ZNF804B: variants seen among roughly 807,000 people sequenced by gnomAD.
The protein encoded by ZNF804B is zinc finger 804B.
Under a neutral mutation model 101.4 loss-of-function variants are expected in ZNF804B, and 80 were observed. The observed-to-expected ratio is 0.79, with a 90% CI of 0.66 to 0.95. The LOEUF (loss-of-function observed/expected upper bound fraction) is 0.95, where lower values mean the gene tolerates loss of function less well. Ranked by LOEUF, ZNF804B falls within the 40% of genes least tolerant of loss-of-function variation. The pLI is 0.00. For missense variants in ZNF804B, 1,673 were observed against 1,561.9 expected, an observed-to-expected ratio of 1.07 and a Z score of -1.20; for synonymous variants, 622 against 558.8, an observed-to-expected ratio of 1.11 and a Z score of -1.59.
At chr7:89,094,799 A>G (rs1789947755) in intron 1 of ZNF804B, among the ~76,000 whole-genome samples, 1 of 152,216 alleles carries the variant, frequency 6.6e-6, no homozygotes, top group Non-Finnish European at 1.5e-5. Context: ...ACATATGGAA[A>G]TAGACCTAAA....
At chr7:89,166,414 A>G (rs1791144649) in intron 1 of ZNF804B, among the ~76,000 whole-genome samples, 1 of 152,188 alleles carries the variant, frequency 6.6e-6, no homozygotes, top group African/African-American at 2.4e-5. Flanking sequence ...CACATACTGT[A>G]TTCATACAAT....
chr7:88,820,317 G>T (rs59534365), intron 1 of ZNF804B, among the ~76,000 whole-genome samples: 1 of 152,038 alleles, frequency 6.6e-6, no homozygotes, highest in Non-Finnish European at 1.5e-5. Context: ...TTCACTTTTG[G>T]GAAGCTATCA....
intron 1 of ZNF804B, among the ~76,000 whole-genome samples, chr7:88,807,640 A>T (rs546426269): frequency 6.6e-6 from 1 of 152,168 alleles, no homozygotes; most frequent in African/African-American, 2.4e-5. Flanking sequence ...GTGTCTTTTT[A>T]TTCATGCCAT....
rs68095612 is a variant in ZNF804B at position 88,932,002 on chromosome 7, T to TAAA, written c.108+171927_108+171929dup. On this transcript the variant is annotated intron_variant, in intron 1 of 3. Coordinates refer to ENST00000333190, the MANE Select transcript of ZNF804B (RefSeq NM_181646.5). Reference sequence around the variant, plus strand: ...TCTAAGTTCTTGGCAGAGGCCTCTGTAAAAAAAAAAAGACATATTAACAAG... The same window carrying TAAA: ...TCTAAGTTCTTGGCAGAGGCCTCTGTAAAAAAAAAAAAAAGACATATTAACAAG... 1.5e-3 allele frequency among the ~76,000 whole-genome samples: 213 copies of TAAA among 144,608 alleles called. 1 individual carries two copies. The highest frequency in any genetic ancestry group is 4.7e-3 in the African/African-American group (188 of 39,732). The allele number at this position is 144,608 out of a possible 152,430, so 94.9% of individuals were successfully genotyped here. A position where few individuals can be genotyped will look rare whatever the true frequency, so the allele number is the denominator to read the frequency against.
intron 2 of ZNF804B, among the ~76,000 whole-genome samples, chr7:89,221,887 G>T: frequency 6.6e-6 from 1 of 151,868 alleles, no homozygotes; most frequent in East Asian, 1.9e-4. Flanking sequence ...TGTGTCCATT[G>T]TGAAAAAGCG....
intron 2 of ZNF804B, among the ~76,000 whole-genome samples, chr7:89,269,822 G>GAGTA (rs1466294407): frequency 6.6e-6 from 1 of 152,170 alleles, no homozygotes; most frequent in Non-Finnish European, 1.5e-5. Flanking sequence ...CGGTGATGAT[G>GAGTA]AGTAAGTTTT....
intron 1 of ZNF804B, among the ~76,000 whole-genome samples, chr7:88,842,855 C>T (rs920672372): frequency 3.3e-5 from 5 of 152,148 alleles, no homozygotes; most frequent in African/African-American, 9.7e-5. Flanking sequence ...AAGATTCATT[C>T]TCAAATCATT....
At chr7:88,928,442 T>C (rs765196873) in intron 1 of ZNF804B, among the ~76,000 whole-genome samples, 1 of 152,168 alleles carries the variant, frequency 6.6e-6, no homozygotes, top group East Asian at 1.9e-4. Flanking sequence ...TAAGAGACTT[T>C]GAAGTGCTAA....
At chr7:88,784,478 C>T (rs1353476352) in intron 1 of ZNF804B, among the ~76,000 whole-genome samples, 1 of 152,074 alleles carries the variant, frequency 6.6e-6, no homozygotes, top group Non-Finnish European at 1.5e-5. Flanking sequence ...TACCCTGGGG[C>T]CACAATTGGA....
At chr7:89,283,668 T>A (rs915699666) in intron 2 of ZNF804B, among the ~76,000 whole-genome samples, 2 of 152,176 alleles carry the variant, frequency 1.3e-5, no homozygotes, top group Non-Finnish European at 2.9e-5. Flanking sequence ...TAATATATCA[T>A]CTAGACCAGA....
intron 1 of ZNF804B, among the ~76,000 whole-genome samples, chr7:88,812,730 G>T (rs1427252413): frequency 6.6e-6 from 1 of 152,070 alleles, no homozygotes; most frequent in Non-Finnish European, 1.5e-5. Context: ...AAAAAGGAAG[G>T]AAATCCTGTC....
intron 1 of ZNF804B, among the ~76,000 whole-genome samples, chr7:89,208,139 T>G (rs6967843): frequency 6.7e-6 from 1 of 149,286 alleles, no homozygotes; most frequent in Non-Finnish European, 1.5e-5. Context: ...TGGAGTGCAG[T>G]GGCACAATCT....
intron 1 of ZNF804B, among the ~76,000 whole-genome samples, chr7:88,820,060 A>G (rs1790951508): frequency 6.6e-6 from 1 of 152,214 alleles, no homozygotes; most frequent in African/African-American, 2.4e-5. Flanking sequence ...AAAGGACAAG[A>G]TAATAAATAA....
At chr7:88,902,765 G>C (rs141992046) in intron 1 of ZNF804B, among the ~76,000 whole-genome samples, 2 of 151,912 alleles carry the variant, frequency 1.3e-5, no homozygotes, top group Non-Finnish European at 2.9e-5. Flanking sequence ...GCATAAAACT[G>C]TGCCTACATT....
intron 2 of ZNF804B, among the ~76,000 whole-genome samples, chr7:89,236,634 A>G (rs1789286082): frequency 6.6e-6 from 1 of 152,130 alleles, no homozygotes; most frequent in Non-Finnish European, 1.5e-5. Context: ...TCAGAATCCC[A>G]AACCATAGTG....
chr7:89,008,805 C>A (rs192648352), intron 1 of ZNF804B, among the ~76,000 whole-genome samples: 1 of 152,138 alleles, frequency 6.6e-6, no homozygotes, highest in South Asian at 2.1e-4. Context: ...TCAAGTAGAC[C>A]CTTACACTCT....
chr7:88,873,560 A>T (rs1379434847), intron 1 of ZNF804B, among the ~76,000 whole-genome samples: 2 of 152,142 alleles, frequency 1.3e-5, no homozygotes, highest in African/African-American at 4.8e-5. Flanking sequence ...TATGTCCTGA[A>T]TGGTAATGCC....
Position 89,275,003 on chromosome 7 carries a change from C to G in ZNF804B, c.250-52341C>G, listed in dbSNP as rs1334563920. ...ATAGAAAACTCTCAAATGTGTAGCTCTGAAATGAATTTGTCTCCTGATTCC... is the reference window on the plus strand; with the variant it reads ...ATAGAAAACTCTCAAATGTGTAGCTGTGAAATGAATTTGTCTCCTGATTCC... On this transcript the variant is annotated intron_variant, in intron 2 of 3. Coordinates refer to ENST00000333190, the MANE Select transcript of ZNF804B (RefSeq NM_181646.5). 2.0e-5 allele frequency among the ~76,000 whole-genome samples: 3 copies of G among 152,030 alleles called. No homozygotes were observed. In the East Asian group the frequency reaches 5.8e-4, roughly 29 times the overall value.
intron 2 of ZNF804B, among the ~76,000 whole-genome samples, chr7:89,272,894 G>A (rs930979766): frequency 6.6e-6 from 1 of 151,946 alleles, no homozygotes; most frequent in Non-Finnish European, 1.5e-5. Flanking sequence ...CCCAGCTTTG[G>A]GACAAATGTT....
Sources: gnomAD v4.1 joint callset for allele counts (sites outside exome capture counted in the v4.1 genomes callset) on GRCh38, gnomAD v4.1.1 for gene constraint, MANE v1.5 for transcripts, NCBI Gene and HGNC (gene_info 2026-07-23, HGNC 2026-07-21) for gene names.